NUP93: variants seen among roughly 807,000 people sequenced by gnomAD.
NUP93 encodes the protein nuclear pore complex protein Nup93.
In NUP93, 55 loss-of-function variants were observed where a neutral mutation model predicts 107.8. The observed-to-expected ratio is 0.51, with a 90% CI of 0.41 to 0.64. NUP93 has a LOEUF of 0.64. Ranked by LOEUF, NUP93 falls within the 30% of genes least tolerant of loss-of-function variation. NUP93 has a pLI of 0.00. For synonymous variants in NUP93, 390 were observed against 397.5 expected (o/e 0.98, Z 0.22); for missense variants, 937 against 1,044.7 (o/e 0.90, Z 1.42).
chr16:56,820,517 A>G (rs1567404655), intron 6 of NUP93, among the ~76,000 whole-genome samples: 1 of 152,192 alleles, frequency 6.6e-6, no homozygotes. Context: ...GGGTTTCACC[A>G]TGTTGGCTAG....
In NUP93 at chr16:56,833,313, A is replaced by G. The variant is rs1296938699; in HGVS notation, c.1444A>G (p.Met482Val). The G allele has an allele frequency of 1.9e-6, 3 of 1,606,994 alleles. No homozygotes were observed. Among genetic ancestry groups the G allele is most frequent in the African/African-American group, 1.3e-5 (1 of 74,410 alleles). Residue 482 changes from methionine to valine, a missense_variant, in exon 13 of 22, where the codon ATG (methionine) becomes GTG (valine). By Grantham distance (21) the Met-to-Val change is conservative. Coordinates refer to ENST00000308159, the MANE Select transcript of NUP93 (RefSeq NM_014669.5). ...FEAAVAFLFR[M>V]ERLRCHAVHV... ...AGCAGCAGTTGCCTTTCTTTTCCGC[A>G]TGGAGCGGCTGCGCTGCCATGCTGT...
chr16:56,754,501 C>T (rs1305707068), intron 2 of NUP93, among the ~76,000 whole-genome samples: 1 of 152,242 alleles, frequency 6.6e-6, no homozygotes, highest in Non-Finnish European at 1.5e-5. Context: ...AAGTTAGTTA[C>T]CTCCAAGATA....
rs372424586 is a variant in NUP93 at position 56,844,643 on chromosome 16, C to G, written c.*34C>G. ...CTTTGTGGGAGTCTGGGTCGGCACA[C>G]TGTCAGTACATCAGGCACATGGGCC... is the stretch of plus-strand genomic sequence containing the variant. On this transcript the variant is annotated 3_prime_UTR_variant, in exon 22 of 22. Transcript: ENST00000308159. 2 of 1,433,140 alleles carry G rather than the reference C, an allele frequency of 1.4e-6. No homozygotes were observed. Among genetic ancestry groups the G allele is most frequent in the African/African-American group, 2.9e-5 (2 of 69,940 alleles). 88.8% of individuals were successfully genotyped at this position (1,433,140 alleles called of 1,614,324 possible).
At chr16:56,734,903 T>C (rs1395487178) in intron 1 of NUP93, among the ~76,000 whole-genome samples, 2 of 152,192 alleles carry the variant, frequency 1.3e-5, no homozygotes, top group Non-Finnish European at 2.9e-5. Flanking sequence ...TCCCACTCCA[T>C]GCACCCTACT....
chr16:56,764,835 A>G lies in NUP93; in HGVS notation c.297+6180A>G, dbSNP rs185587807. ...TAGCTTGAATCAGTCAAGGGAAAGT[A>G]CAGTCTGAATGGGTAAACAGTATCT... On this transcript the variant is annotated intron_variant, in intron 3 of 21. Transcript: ENST00000308159. 9.8e-5 allele frequency among the ~76,000 whole-genome samples: 15 copies of G among 152,378 alleles called. No homozygotes were observed. The East Asian group carries it at 2.3e-3, about 23-fold the overall frequency.
chr16:56,833,471 G>A (rs1963843876), intron 13 of NUP93, 65 bp downstream of exon 13: 1 of 1,319,244 alleles, frequency 7.6e-7, no homozygotes, highest in East Asian at 2.7e-5. Context: ...GGCGACGGTG[G>A]CCACAAAACC....
At chr16:56,803,273 A>G (rs1373315757) in intron 4 of NUP93, among the ~76,000 whole-genome samples, 1 of 152,148 alleles carries the variant, frequency 6.6e-6, no homozygotes, top group Non-Finnish European at 1.5e-5. Flanking sequence ...AGCCTAGCCA[A>G]CATGGTGAAA....
chr16:56,767,255 C>T (rs1221497499), intron 3 of NUP93, among the ~76,000 whole-genome samples: 2 of 152,240 alleles, frequency 1.3e-5, no homozygotes, highest in Non-Finnish European at 2.9e-5. Flanking sequence ...CAAAATCCTG[C>T]CTGTGCTTTC....
intron 3 of NUP93, among the ~76,000 whole-genome samples, chr16:56,795,691 G>T (rs566285333): frequency 6.6e-6 from 1 of 151,840 alleles, no homozygotes; most frequent in South Asian, 2.1e-4. Context: ...CTGTCACCCA[G>T]GCTGGAGTGC....
intron 3 of NUP93, among the ~76,000 whole-genome samples, chr16:56,794,258 A>T (rs1271990416): frequency 1.3e-5 from 2 of 152,118 alleles, no homozygotes; most frequent in African/African-American, 4.8e-5. Flanking sequence ...TAAAATTCAA[A>T]ATCTATTTTG....
intron 3 of NUP93, among the ~76,000 whole-genome samples, chr16:56,775,076 T>C (rs1962391968): frequency 6.6e-6 from 1 of 152,066 alleles, no homozygotes; most frequent in African/African-American, 2.4e-5. Flanking sequence ...ATTTTTTGTA[T>C]TTTTGTTAGA....
rs1567413884 is a variant in NUP93 at position 56,839,017 on chromosome 16, T to TG, written c.2085dup (p.Ile696AspfsTer5). 6.2e-7 allele frequency: 1 copy of TG among 1,614,170 alleles called. No homozygotes were observed. The highest frequency in any genetic ancestry group is 1.7e-5 in the Admixed American group (1 of 60,020). The stretch of plus-strand genomic sequence containing the variant: ...TCCACGTTCTATCTTCTTTTGGACT[T>TG]GATCACCTTTTTTGACGAGTATCAT... On this transcript the variant is annotated frameshift_variant, in exon 19 of 22. Transcript: ENST00000308159. LOFTEE classifies it high-confidence loss of function.
chr16:56,754,452 G>A (rs573062195), intron 2 of NUP93, among the ~76,000 whole-genome samples: 11 of 152,342 alleles, frequency 7.2e-5, no homozygotes, highest in African/African-American at 2.2e-4. Context: ...TCTGGGACAA[G>A]GCACGTCTCT....
At chr16:56,751,085 G>T (rs1007077770) in intron 2 of NUP93, among the ~76,000 whole-genome samples, 22 of 151,682 alleles carry the variant, frequency 1.5e-4, no homozygotes, top group Non-Finnish European at 2.9e-4. Context: ...GAGGTTGGAG[G>T]GTGCCCATCA....
chr16:56,825,910 G>A (rs187157822), intron 8 of NUP93, among the ~76,000 whole-genome samples: 2 of 152,284 alleles, frequency 1.3e-5, no homozygotes, highest in Admixed American at 1.3e-4. Context: ...CTGATTCACT[G>A]ACAGTATGCA....
chr16:56,757,511 C>T (rs951158975), intron 2 of NUP93, among the ~76,000 whole-genome samples: 1 of 152,162 alleles, frequency 6.6e-6, no homozygotes, highest in African/African-American at 2.4e-5. Context: ...CCCACCCCAC[C>T]ACTACACTAC....
chr16:56,804,973 G>A (rs531100951), intron 4 of NUP93, among the ~76,000 whole-genome samples: 20 of 151,930 alleles, frequency 1.3e-4, no homozygotes, highest in African/African-American at 3.9e-4. Flanking sequence ...AGTGAAATAC[G>A]GTATGTTGCA....
intron 3 of NUP93, among the ~76,000 whole-genome samples, chr16:56,771,878 C>G (rs1962328268): frequency 6.6e-6 from 1 of 152,134 alleles, no homozygotes; most frequent in African/African-American, 2.4e-5. Flanking sequence ...ATATTTGGAA[C>G]TTTAGGTGGA....
In NUP93 at chr16:56,788,680, C is replaced by T. The variant is rs552009796; in HGVS notation, c.298-9796C>T. ...CAGAACTGGCTTTGCAGTAGTAGCA[C>T]GGAGATTTAAATGGCCATCATAGGA... On this transcript the variant is annotated intron_variant, in intron 3 of 21. Coordinates refer to ENST00000308159, the MANE Select transcript of NUP93 (RefSeq NM_014669.5). 1.6e-4 allele frequency among the ~76,000 whole-genome samples: 24 copies of T among 152,334 alleles called. No individual in the cohort carries two copies. The South Asian group carries it at 3.9e-3, about 25-fold the overall frequency.
Sources: allele counts gnomAD v4.1 joint callset (sites outside exome capture counted in the v4.1 genomes callset), GRCh38; gene constraint gnomAD v4.1.1; transcripts MANE v1.5; gene names NCBI Gene and HGNC (gene_info 2026-07-23, HGNC 2026-07-21).